The following PANK4 variants were observed in gnomAD, a reference collection of about 807,000 sequenced individuals.
PANK4 encodes the protein pantothenate kinase 4 (inactive), also known as 4'-phosphopantetheine phosphatase.
A neutral mutation model predicts 87.9 loss-of-function variants in PANK4; 40 were observed. The ratio of observed to expected loss-of-function variants is 0.46; its 90% confidence interval spans 0.35 to 0.59. PANK4 has a LOEUF of 0.59. Ranked by LOEUF, PANK4 falls within the 20% of genes least tolerant of loss-of-function variation. The probability of loss-of-function intolerance (pLI) is 0.00; values close to 1 mark genes in which losing one functional copy is unlikely to be tolerated. For missense variants in PANK4, 926 were observed against 1,072.3 expected (o/e 0.86, Z 1.90); for synonymous variants, 524 against 467.4 (o/e 1.12, Z -1.56).
At chr1:2,518,352 T>G (rs936752319) in intron 8 of PANK4, 88 bp from the exon 9 acceptor site, 3 of 1,043,732 alleles carry the variant, frequency 2.9e-6, no homozygotes, top group Admixed American at 4.0e-5. Context: ...ATAAAATCGC[T>G]TATTAACTAA....
chr1:2,521,781 C>T lies in PANK4; in HGVS notation c.144G>A (p.Leu48=). The change falls in exon 2 of 19, where the codon CTG becomes CTA. Residue 48 remains leucine, a synonymous_variant. Transcript: ENST00000378466. ...AIDIGGSLTK[L]AYYSTVQHKV... is the part of the protein sequence containing the mutation. ...TGTGCTGTACCGTTGAATAGTAGGC[C>T]AGCTTGGTTAACGACCCGCCTGCAG... The T allele has an allele frequency of 6.2e-7, 1 of 1,613,944 alleles. No individual in the cohort carries two copies. Among genetic ancestry groups the T allele is most frequent in the Non-Finnish European group, 8.5e-7 (1 of 1,179,958 alleles).
rs1364854859 is a variant in PANK4 at position 2,515,236 on chromosome 1, G to A, written c.1374+326C>T. 23 of 506,902 alleles carry A rather than the reference G, an allele frequency of 4.5e-5. No homozygotes were observed. In the Admixed American group the frequency reaches 5.1e-4, roughly 11 times the overall value. The allele number at this position is 506,902 out of a possible 1,614,324, so 31.4% of individuals were successfully genotyped here. A position where few individuals can be genotyped will look rare whatever the true frequency, so the allele number is the denominator to read the frequency against. On this transcript the variant is annotated intron_variant, in intron 10 of 18. Transcript: ENST00000378466. This position sits in a 1 kb window ranked among gnomAD's most constrained non-coding sequence, Gnocchi z 5.0. Reference sequence around the variant, plus strand: ...ACCCCCAGAGTCAGGGTCCCACAATGCCTCCCGCACCTCAGTCACACCTCA... The same window carrying A: ...ACCCCCAGAGTCAGGGTCCCACAATACCTCCCGCACCTCAGTCACACCTCA...
chr1:2,512,078 G>C (rs1262452804), intron 13 of PANK4, among the ~76,000 whole-genome samples: 1 of 152,258 alleles, frequency 6.6e-6, no homozygotes, highest in Non-Finnish European at 1.5e-5. Flanking sequence ...CACGGGGCCA[G>C]GGAAGCCTCT....
chr1:2,509,648 G>A lies in PANK4; in HGVS notation c.2108+214C>T. On this transcript the variant is annotated intron_variant, in intron 18 of 18. Coordinates refer to ENST00000378466, the MANE Select transcript of PANK4 (RefSeq NM_018216.4). The surrounding 1 kb of genome is among the most constrained non-coding windows in gnomAD (Gnocchi z 4.9). ...CCAAGTCCCCAAACCCAGCCCATGTGTAACCACCTCAGACCCTGAATCCAT... is the reference window on the plus strand; with the variant it reads ...CCAAGTCCCCAAACCCAGCCCATGTATAACCACCTCAGACCCTGAATCCAT... The A allele has an allele frequency of 3.3e-6, 2 of 606,074 alleles. No homozygotes were observed. The highest frequency in any genetic ancestry group is 5.5e-5 in the East Asian group (2 of 36,100). The allele number at this position is 606,074 out of a possible 1,614,324, so 37.5% of individuals were successfully genotyped here.
Position 2,520,423 on chromosome 1 carries a change from G to C in PANK4, c.607-9C>G. The C allele has an allele frequency of 1.2e-6, 2 of 1,611,844 alleles. No individual in the cohort carries two copies. The highest frequency in any genetic ancestry group is 1.1e-5 in the South Asian group (1 of 91,062). On this transcript the variant is annotated splice_polypyrimidine_tract_variant and intron_variant, in intron 4 of 18. Coordinates refer to ENST00000378466, the MANE Select transcript of PANK4 (RefSeq NM_018216.4). This position sits in a 1 kb window ranked among gnomAD's most constrained non-coding sequence, Gnocchi z 6.2. ...CTGTCCTCCGTCTCCACCTGCAACA[G>C]AGCCAGGGCAGGTGTGCCCTCAGTG...
rs757728114 is a variant in PANK4, at chr1:2,514,481, A to G, written c.1375-15T>C. Reference sequence around the variant, plus strand: ...CGCTTCACTACCTGCCAGCGACAGAAGGAGGGGGTTAGTCAAGCGCTGGCC... The same window carrying G: ...CGCTTCACTACCTGCCAGCGACAGAGGGAGGGGGTTAGTCAAGCGCTGGCC... On this transcript the variant is annotated splice_polypyrimidine_tract_variant and intron_variant, in intron 10 of 18. Transcript: ENST00000378466. The G allele has an allele frequency of 6.7e-7, 1 of 1,497,526 alleles. No individual in the cohort carries two copies. Among genetic ancestry groups the G allele is most frequent in the Admixed American group, 1.8e-5 (1 of 55,720 alleles). 92.8% of individuals were successfully genotyped at this position (1,497,526 alleles called of 1,614,324 possible). A position where few individuals can be genotyped will look rare whatever the true frequency, so the allele number is the denominator to read the frequency against.
intron 12 of PANK4, among the ~76,000 whole-genome samples, chr1:2,513,364 A>G (rs1398751440): frequency 6.6e-6 from 1 of 152,232 alleles, no homozygotes. Flanking sequence ...TTCCGCTGTC[A>G]CAAGGCTCGG....
At chr1:2,524,108 G>A (rs1643900443) in intron 1 of PANK4, among the ~76,000 whole-genome samples, 1 of 152,218 alleles carries the variant, frequency 6.6e-6, no homozygotes, top group East Asian at 1.9e-4. Context: ...ACCTGCCTCT[G>A]AGGAACCCTC....
chr1:2,514,153 C>T, intron 11 of PANK4, 64 bp from the exon 12 acceptor site: 3 of 1,399,580 alleles, frequency 2.1e-6, no homozygotes, highest in Non-Finnish European at 2.0e-6. Context: ...GTCTGCCATC[C>T]TCGGCTGTGC....
chr1:2,521,386 C>A (rs1458875882), intron 2 of PANK4, 71 bp from the exon 3 acceptor site: 1 of 1,203,474 alleles, frequency 8.3e-7, no homozygotes. Flanking sequence ...CGCACCCTGC[C>A]CTAGTGGAGC....
At chr1:2,518,727 G>T (rs909090912) in intron 7 of PANK4, 130 bp from the exon 8 acceptor site, 14 of 748,022 alleles carry the variant, frequency 1.9e-5, no homozygotes, top group Non-Finnish European at 3.2e-5. Flanking sequence ...TGGCACCCAC[G>T]GCATACTTGC....
Position 2,516,527 on chromosome 1 carries a change from G to C in PANK4, c.1219-810C>G, listed in dbSNP as rs575453969. Among the ~76,000 whole-genome samples the C allele has an allele frequency of 1.6e-3, 240 of 152,336 alleles. 1 individual carries two copies. Among genetic ancestry groups the C allele is most frequent in the African/African-American group, 5.4e-3 (225 of 41,590 alleles). On this transcript the variant is annotated intron_variant, in intron 9 of 18. Coordinates refer to ENST00000378466, the MANE Select transcript of PANK4 (RefSeq NM_018216.4). ...GAGGGGCTATGAGGGGAACTGTGTA[G>C]CTGACCGCCTCTTCCCACCCTCCGG...
chr1:2,508,710 C>T lies in PANK4; in HGVS notation c.*137G>A, dbSNP rs954210815. ...CTGCGTCTCGCCTCTGGGTCACACG[C>T]ATCTGTGCGGCTGGGGTGTATGTGC... On this transcript the variant is annotated 3_prime_UTR_variant, in exon 19 of 19. Coordinates refer to ENST00000378466, the MANE Select transcript of PANK4 (RefSeq NM_018216.4). This position sits in a 1 kb window ranked among gnomAD's most constrained non-coding sequence, Gnocchi z 5.1. 3 of 626,542 alleles carry T rather than the reference C, an allele frequency of 4.8e-6. No homozygotes were observed. Among genetic ancestry groups the T allele is most frequent in the African/African-American group, 3.7e-5 (2 of 54,752 alleles). The allele number at this position is 626,542 out of a possible 1,614,324, so 38.8% of individuals were successfully genotyped here. A position where few individuals can be genotyped will look rare whatever the true frequency, so the allele number is the denominator to read the frequency against.
intron 8 of PANK4, 23 bp downstream of exon 8, chr1:2,518,493 G>A: frequency 6.5e-7 from 1 of 1,545,532 alleles, no homozygotes; most frequent in Non-Finnish European, 8.8e-7. Flanking sequence ...ACGCTGCTCA[G>A]GGGCGCCAGC....
In PANK4 at chr1:2,520,249, G is replaced by A; in HGVS notation, c.699+73C>T. ...CCGGAAGCAGCTTTTGCACCGCCCAGCTGCAGGCCTTCGGGGGAAGGAAGC... is the reference window on the plus strand; with the variant it reads ...CCGGAAGCAGCTTTTGCACCGCCCAACTGCAGGCCTTCGGGGGAAGGAAGC... On this transcript the variant is annotated intron_variant, in intron 5 of 18. Transcript: ENST00000378466. The surrounding 1 kb of genome is among the most constrained non-coding windows in gnomAD (Gnocchi z 6.2). The A allele has an allele frequency of 7.0e-7, 1 of 1,419,376 alleles. No homozygotes were observed. Among genetic ancestry groups the A allele is most frequent in the East Asian group, 2.3e-5 (1 of 43,842 alleles). The allele number at this position is 1,419,376 out of a possible 1,614,324, so 87.9% of individuals were successfully genotyped here.
In PANK4 at chr1:2,511,373, C is replaced by T. The variant is rs151240697; in HGVS notation, c.1798G>A (p.Val600Met). The T allele has an allele frequency of 1.3e-5, 21 of 1,610,624 alleles. No homozygotes were observed. The highest frequency in any genetic ancestry group is 2.2e-5 in the East Asian group (1 of 44,872). ...KRKLQERPWL[V>M]DSYSEWLQRL... ...TGAAGCCACTCGCTGTAGGAATCCA[C>T]GAGCCAGGGTCTTTCTGAGACAGAG... is the stretch of plus-strand genomic sequence containing the variant. Residue 600 changes from valine (V) to methionine (M), a missense_variant, in exon 15 of 19, where the codon GTG (valine) becomes ATG (methionine). By Grantham distance (21) the Val-to-Met change is conservative (BLOSUM62 1). Transcript: ENST00000378466.
intron 14 of PANK4, 56 bp downstream of exon 14, chr1:2,511,572 C>T (rs559310870): frequency 6.3e-6 from 8 of 1,275,504 alleles, no homozygotes; most frequent in East Asian, 2.3e-5. Context: ...TTGCAGAGAA[C>T]GTCCAGGCAT....
chr1:2,509,533 G>A lies in PANK4; in HGVS notation c.2108+329C>T, dbSNP rs1442900783. Among the ~76,000 whole-genome samples the A allele has an allele frequency of 6.6e-6, 1 of 152,198 alleles. No individual in the cohort carries two copies. The highest frequency in any genetic ancestry group is 1.5e-5 in the Non-Finnish European group (1 of 68,036). ...CACAGAAGCAGAGCCTGGCATCTAT[G>A]TGGGACACGGAGGTGACAGACACCG... On this transcript the variant is annotated intron_variant, in intron 18 of 18. Transcript: ENST00000378466. The surrounding 1 kb of genome is among the most constrained non-coding windows in gnomAD (Gnocchi z 4.9).
Position 2,509,763 on chromosome 1 carries a change from G to C in PANK4, c.2108+99C>G. Reference sequence around the variant, plus strand: ...GGGGTCAGGAGAGGCCGCAGGGGCAGTCCTGAGGTCGGTGTCCCGCATGCA... The same window carrying C: ...GGGGTCAGGAGAGGCCGCAGGGGCACTCCTGAGGTCGGTGTCCCGCATGCA... On this transcript the variant is annotated intron_variant, in intron 18 of 18. Transcript: ENST00000378466. This position sits in a 1 kb window ranked among gnomAD's most constrained non-coding sequence, Gnocchi z 4.9. The C allele has an allele frequency of 9.5e-7, 1 of 1,047,124 alleles. No homozygotes were observed. Among genetic ancestry groups the C allele is most frequent in the Non-Finnish European group, 1.5e-6 (1 of 682,610 alleles). 64.9% of individuals were successfully genotyped at this position (1,047,124 alleles called of 1,614,324 possible).
Sources: gnomAD v4.1 joint callset for allele counts (sites outside exome capture counted in the v4.1 genomes callset) on GRCh38, gnomAD v4.1.1 for gene constraint, Gnocchi (gnomAD v3.1) non-coding constraint, MANE v1.5 for transcripts, NCBI Gene and HGNC (gene_info 2026-07-23, HGNC 2026-07-21) for gene names.